Variants in MSANTD7 observed in about 807,000 individuals in gnomAD.
MSANTD7 encodes the protein Myb/SANT DNA binding domain containing 7.
chr10:14,846,000 T>C, the MSANTD7 span: 6 of 934,770 alleles, frequency 6.4e-6, no homozygotes, highest in Non-Finnish European at 7.7e-6. Context: ...ATTGTAATAT[T>C]TTCTGTCACA....
the MSANTD7 span, chr10:14,846,676 T>G: frequency 3.2e-6 from 3 of 929,168 alleles, no homozygotes; most frequent in Non-Finnish European, 3.9e-6. Context: ...CACAGGGGTG[T>G]TGTGAGGATC....
At chr10:14,841,701 G>C in the MSANTD7 span, among the ~76,000 whole-genome samples, 3 of 152,200 alleles carry the variant, frequency 2.0e-5, no homozygotes, top group Non-Finnish European at 2.9e-5. Flanking sequence ...TGTATTAGCA[G>C]AGCAACTTAA....
the MSANTD7 span, chr10:14,846,596 C>T: frequency 1.0e-6 from 1 of 974,008 alleles, no homozygotes; most frequent in African/African-American, 1.8e-5. Context: ...CTTAGAAAAG[C>T]TTTTCCAGCA....
the MSANTD7 span, chr10:14,840,248 G>A: frequency 1.7e-6 from 1 of 591,078 alleles, no homozygotes; most frequent in Non-Finnish European, 2.6e-6. Context: ...AAACAGCATA[G>A]TTTGTTTCTT....
At chr10:14,845,506 G>A in the MSANTD7 span, 1 of 985,330 alleles carries the variant, frequency 1.0e-6, no homozygotes, top group Non-Finnish European at 1.2e-6. Flanking sequence ...TGGTGTGGTA[G>A]AATATGTTGG....
the MSANTD7 span, chr10:14,842,738 A>G: frequency 4.6e-6 from 7 of 1,536,462 alleles, no homozygotes; most frequent in African/African-American, 2.7e-5. This position sits in a 1 kb window ranked among gnomAD's most constrained non-coding sequence, Gnocchi z 5.2. Context: ...TCATCAGCCT[A>G]TCTTGAAAAC....
the MSANTD7 span, among the ~76,000 whole-genome samples, chr10:14,839,076 C>G: frequency 6.6e-6 from 1 of 152,196 alleles, no homozygotes; most frequent in South Asian, 2.1e-4. Context: ...AGCTGCCTGG[C>G]TGTGAAGCCA....
At chr10:14,843,141 T>G in the MSANTD7 span, among the ~76,000 whole-genome samples, 7 of 152,172 alleles carry the variant, frequency 4.6e-5, no homozygotes, top group Non-Finnish European at 1.5e-5. Flanking sequence ...TAGAGTGGGT[T>G]GGATAGCTAT....
the MSANTD7 span, among the ~76,000 whole-genome samples, chr10:14,841,921 C>T: frequency 6.6e-6 from 1 of 152,176 alleles, no homozygotes; most frequent in East Asian, 1.9e-4. Flanking sequence ...CATTGTTGTA[C>T]CAACTCTCAG....
At chr10:14,844,914 A>G in the MSANTD7 span, 1 of 985,384 alleles carries the variant, frequency 1.0e-6, no homozygotes, top group Non-Finnish European at 1.2e-6. Context: ...GGCAAGCCCT[A>G]GAAACGTTTC....
At chr10:14,839,027 G>T in the MSANTD7 span, among the ~76,000 whole-genome samples, 1 of 152,196 alleles carries the variant, frequency 6.6e-6, no homozygotes, top group African/African-American at 2.4e-5. Context: ...CCGGAGGGGC[G>T]GGGAGGCTGC....
chr10:14,843,599 C>T, the MSANTD7 span: 40,100 of 1,550,568 alleles, frequency 0.026, 635 homozygotes, highest in Admixed American at 0.06. Context: ...ACCAGTGAGC[C>T]CCCTCCAAGG....
chr10:14,842,765 G>A, the MSANTD7 span: 1 of 1,536,416 alleles, frequency 6.5e-7, no homozygotes, highest in Non-Finnish European at 8.7e-7. This position sits in a 1 kb window ranked among gnomAD's most constrained non-coding sequence, Gnocchi z 5.2. Flanking sequence ...GGCATCAGAT[G>A]AGGATTGTCA....
At chr10:14,841,665 CT>C in the MSANTD7 span, among the ~76,000 whole-genome samples, 5 of 152,172 alleles carry the variant, frequency 3.3e-5, no homozygotes, top group African/African-American at 9.7e-5. Flanking sequence ...TGGCTTTCTT[CT>C]GCCATATTGT....
chr10:14,839,919 T>C, the MSANTD7 span: 1 of 1,612,828 alleles, frequency 6.2e-7, no homozygotes, highest in Non-Finnish European at 8.5e-7. Context: ...GCCGGGCTGG[T>C]GTGGTTGCAA....
At chr10:14,844,912 C>T in the MSANTD7 span, 5 of 985,380 alleles carry the variant, frequency 5.1e-6, no homozygotes, top group South Asian at 4.7e-5. Context: ...AGGGCAAGCC[C>T]TAGAAACGTT....
chr10:14,840,612 A>G, the MSANTD7 span, among the ~76,000 whole-genome samples: 3 of 152,200 alleles, frequency 2.0e-5, no homozygotes, highest in East Asian at 1.9e-4. Context: ...TTGACTTACA[A>G]ATTTAATCAT....
At chr10:14,846,152 C>T in the MSANTD7 span, 1 of 984,364 alleles carries the variant, frequency 1.0e-6, no homozygotes, top group Non-Finnish European at 1.2e-6. Flanking sequence ...ATATTTAAGG[C>T]ATTGAAATGG....
At chr10:14,845,996 A>G in the MSANTD7 span, 1 of 934,874 alleles carries the variant, frequency 1.1e-6, no homozygotes, top group Non-Finnish European at 1.3e-6. Context: ...TTTAATTGTA[A>G]TATTTTCTGT....
Sources: gnomAD v4.1 joint callset for allele counts (sites outside exome capture counted in the v4.1 genomes callset) on GRCh38, gnomAD v4.1.1 for gene constraint, Gnocchi (gnomAD v3.1) non-coding constraint, MANE v1.5 for transcripts, NCBI Gene and HGNC (gene_info 2026-07-23, HGNC 2026-07-21) for gene names.